TASOR2: variants seen among roughly 807,000 people sequenced by gnomAD.
TASOR2 encodes the protein protein TASOR 2.
In TASOR2, 84 loss-of-function variants were observed where a neutral mutation model predicts 199.5. The observed-to-expected ratio is 0.42, with a 90% CI of 0.35 to 0.50. TASOR2 has a LOEUF of 0.50. TASOR2 is among the 20% of genes least tolerant of loss of function. TASOR2 has a pLI of 0.02. For missense variants in TASOR2, 2,796 were observed against 2,835.9 expected (o/e 0.99, Z 0.32); for synonymous variants, 1,103 against 1,046.6 (o/e 1.05, Z -1.04).
chr10:5,724,524 C>T, exon 8 of TASOR2: 1 of 1,433,592 alleles, frequency 7.0e-7, no homozygotes, highest in African/African-American at 1.5e-5. Context: ...GTATTAAAAA[C>T]AAGCAATTGG....
At position 5,687,597 on chromosome 10, in the gene TASOR2, A is replaced by C. The variant is rs2131479117; in HGVS notation, c.-288+2422A>C. Among the ~76,000 whole-genome samples the C allele has an allele frequency of 6.6e-6, 1 of 152,378 alleles. No individual in the cohort carries two copies. Among genetic ancestry groups the C allele is most frequent in the African/African-American group, 2.4e-5 (1 of 41,592 alleles). Reference sequence around the variant, plus strand: ...CACTTTGGGAGGCCAAGGCAGGTGGATCACTTGAGGTCAGGAGTTAGGGAC... The same window carrying C: ...CACTTTGGGAGGCCAAGGCAGGTGGCTCACTTGAGGTCAGGAGTTAGGGAC... On this transcript the variant is annotated intron_variant, in intron 1 of 20. Transcript: ENST00000328090. This position sits in a 1 kb window ranked among gnomAD's most constrained non-coding sequence, Gnocchi z 4.8.
chr10:5,761,366 T>G, exon 19 of TASOR2: 2 of 1,614,048 alleles, frequency 1.2e-6, no homozygotes, highest in Non-Finnish European at 1.7e-6. Flanking sequence ...ATTGCTTCAT[T>G]ATCACCAGTG....
At position 5,731,747 on chromosome 10, in the gene TASOR2, T is replaced by C. The variant is rs371768397; in HGVS notation, c.1204+544T>C. On this transcript the variant is annotated intron_variant, in intron 11 of 20. Coordinates refer to ENST00000328090, the Ensembl canonical transcript of TASOR2. ...CAAAAGCCTACCCACCACCAACATGTTATGTTCCACATGTAAAACCACCCA... is the reference window on the plus strand; with the variant it reads ...CAAAAGCCTACCCACCACCAACATGCTATGTTCCACATGTAAAACCACCCA... 6.6e-5 allele frequency among the ~76,000 whole-genome samples: 10 copies of C among 152,326 alleles called. No homozygotes were observed. In the East Asian group the frequency reaches 1.3e-3, roughly 21 times the overall value.
At chr10:5,692,318 G>A (rs748997077) in intron 1 of TASOR2, among the ~76,000 whole-genome samples, 6 of 152,208 alleles carry the variant, frequency 3.9e-5, no homozygotes, top group Non-Finnish European at 7.3e-5. Context: ...GATCACTGTA[G>A]TGAAAAGAAC....
intron 18 of TASOR2, among the ~76,000 whole-genome samples, chr10:5,760,236 G>A (rs1041228179): frequency 6.6e-6 from 1 of 152,160 alleles, no homozygotes; most frequent in Non-Finnish European, 1.5e-5. Context: ...AAAAGGTTCA[G>A]TAAATTACAG....
chr10:5,720,912 C>G lies in TASOR2; in HGVS notation c.88C>G (p.Arg30Gly). The change falls in exon 6 of 21, where the codon CGT (arginine) becomes GGT (glycine). Residue 30 changes from arginine (R) to glycine (G), a missense_variant. Arg to Gly is a moderately radical substitution (Grantham distance 125). Transcript: ENST00000328090. The surrounding 1 kb of genome is among the most constrained non-coding windows in gnomAD (Gnocchi z 5.3). ...GAAAGGGAAATTAATTGTTCAAGAC[C>G]GTATGCTATGTGATATAGCTCTTTG... 1.9e-6 allele frequency: 3 copies of G among 1,613,272 alleles called. No individual in the cohort carries two copies. Among genetic ancestry groups the G allele is most frequent in the Non-Finnish European group, 2.5e-6 (3 of 1,179,774 alleles).
At chr10:5,761,517 G>C (rs1360797221) in intron 19 of TASOR2, 46 bp downstream of exon 20, 1 of 1,552,174 alleles carries the variant, frequency 6.4e-7, no homozygotes, top group Admixed American at 1.8e-5. Context: ...AAATTGGTCA[G>C]CTCTAGGAAT....
intron 17 of TASOR2, 91 bp downstream of exon 18, chr10:5,757,764 C>G: frequency 7.1e-7 from 1 of 1,407,706 alleles, no homozygotes; most frequent in East Asian, 2.3e-5. Flanking sequence ...AAGAAATGAT[C>G]AACTCTAAGG....
At chr10:5,707,486 G>A (rs55913768) in intron 1 of TASOR2, among the ~76,000 whole-genome samples, 39,506 of 151,964 alleles carry the variant, frequency 0.26, 5,892 homozygotes, top group Non-Finnish European at 0.33. Flanking sequence ...TCCTAGGCTA[G>A]AAGATGGAGT....
intron 14 of TASOR2, chr10:5,743,710 A>G (rs919325018): frequency 1.3e-5 from 2 of 152,246 alleles, no homozygotes; most frequent in South Asian, 2.1e-4. Context: ...ACATATATAC[A>G]TGCTAGTTTC....
At position 5,730,856 on chromosome 10, in the gene TASOR2, A is replaced by G; in HGVS notation, c.857A>G (p.Gln286Arg). Reference sequence around the variant, plus strand: ...TTGGACTTGCTAGCAGAGCATCCTCAGTCTCCTTGTGTTTCAGACGGAATT... The same window carrying G: ...TTGGACTTGCTAGCAGAGCATCCTCGGTCTCCTTGTGTTTCAGACGGAATT... Residue 286 changes from glutamine (Q) to arginine (R), a missense_variant, in exon 11 of 21, where the codon CAG becomes CGG. By Grantham distance (43) the Gln-to-Arg change is conservative (BLOSUM62 1). This residue lies in a region of TASOR2 where 847 missense variants were observed against 887.4 expected (regional missense o/e 0.95). Transcript: ENST00000328090. The surrounding 1 kb of genome is among the most constrained non-coding windows in gnomAD (Gnocchi z 4.1). 8 of 1,614,234 alleles carry G rather than the reference A, an allele frequency of 5.0e-6. No individual in the cohort carries two copies. Among genetic ancestry groups the G allele is most frequent in the Non-Finnish European group, 6.8e-6 (8 of 1,180,052 alleles).
chr10:5,702,251 C>T (rs1837959636), intron 1 of TASOR2, among the ~76,000 whole-genome samples: 1 of 152,108 alleles, frequency 6.6e-6, no homozygotes, highest in Admixed American at 6.5e-5. Context: ...GTTAATATAT[C>T]ACATTTATTG....
In TASOR2 at chr10:5,752,154, C is replaced by G. The variant is rs561995212; in HGVS notation, c.6606+2127C>G. Among the ~76,000 whole-genome samples the G allele has an allele frequency of 4.6e-5, 7 of 152,298 alleles. No homozygotes were observed. Among genetic ancestry groups the G allele is most frequent in the South Asian group, 4.1e-4 (2 of 4,822 alleles). On this transcript the variant is annotated intron_variant, in intron 15 of 20. Coordinates refer to ENST00000328090, the Ensembl canonical transcript of TASOR2. This position sits in a 1 kb window ranked among gnomAD's most constrained non-coding sequence, Gnocchi z 4.4. ...AGATGTCAGCAGTCCTGTTTAGTATCTACCTCAGAGCCCCAACATGTGCAG... is the reference window on the plus strand; with the variant it reads ...AGATGTCAGCAGTCCTGTTTAGTATGTACCTCAGAGCCCCAACATGTGCAG...
intron 1 of TASOR2, among the ~76,000 whole-genome samples, chr10:5,705,249 A>G (rs548808200): frequency 2.0e-5 from 3 of 152,346 alleles, no homozygotes; most frequent in Admixed American, 6.5e-5. Flanking sequence ...GTATATGTAT[A>G]GAATTTTACA....
Position 5,754,532 on chromosome 10 carries a change from G to A in TASOR2, c.6607-2081G>A, listed in dbSNP as rs995447864. ...ACCTTCTCGAATAGCTGGGATTACA[G>A]GTGCGTGCCACCATGCCTGGCTAAT... On this transcript the variant is annotated intron_variant, in intron 15 of 20. Transcript: ENST00000328090. This position sits in a 1 kb window ranked among gnomAD's most constrained non-coding sequence, Gnocchi z 4.3. Among the ~76,000 whole-genome samples the A allele has an allele frequency of 6.6e-6, 1 of 152,076 alleles. No individual in the cohort carries two copies. Among genetic ancestry groups the A allele is most frequent in the Non-Finnish European group, 1.5e-5 (1 of 68,020 alleles).
At chr10:5,763,670 G>A (rs933381013) in exon 21 of TASOR2, 2 of 152,056 alleles carry the variant, frequency 1.3e-5, no homozygotes, top group African/African-American at 2.4e-5. Context: ...TAAGATACAC[G>A]GTATCTATTT....
intron 2 of TASOR2, among the ~76,000 whole-genome samples, chr10:5,717,011 A>G (rs1322836536): frequency 7.5e-6 from 1 of 133,456 alleles, no homozygotes. Context: ...ACAAATAACC[A>G]CTGCAGCTTA....
Position 5,720,459 on chromosome 10 carries a change from T to G in TASOR2, c.-99-85T>G. 7.0e-7 allele frequency: 1 copy of G among 1,426,166 alleles called. No homozygotes were observed. 88.3% of individuals were successfully genotyped at this position (1,426,166 alleles called of 1,614,324 possible). A position where few individuals can be genotyped will look rare whatever the true frequency, so the allele number is the denominator to read the frequency against. ...ATTTCTGACTCTAATGTGTTAAATT[T>G]CAGGGCTCGGTGGGGTTGAGAAAAA... On this transcript the variant is annotated intron_variant, in intron 3 of 20. Coordinates refer to ENST00000328090, the Ensembl canonical transcript of TASOR2. This position sits in a 1 kb window ranked among gnomAD's most constrained non-coding sequence, Gnocchi z 5.3.
At chr10:5,726,888 A>G in exon 9 of TASOR2, 2 of 1,613,794 alleles carry the variant, frequency 1.2e-6, no homozygotes, top group Admixed American at 1.7e-5. Flanking sequence ...ATTTAAGGCA[A>G]TCATCAAATG....
Sources: gnomAD v4.1 joint callset for allele counts (sites outside exome capture counted in the v4.1 genomes callset) on GRCh38, gnomAD v4.1.1 for gene constraint, gnomAD v4.1.1 regional missense constraint, Gnocchi (gnomAD v3.1) non-coding constraint, MANE v1.5 for transcripts, NCBI Gene and HGNC (gene_info 2026-07-23, HGNC 2026-07-21) for gene names.